The following CDHR3 variants were observed in gnomAD, a reference collection of about 807,000 sequenced individuals.
CDHR3 encodes cadherin-related family member 3.
In CDHR3, 79 loss-of-function variants were observed where a neutral mutation model predicts 86.6. That is an observed-to-expected ratio of 0.91 (90% CI 0.76 to 1.10). The LOEUF is 1.10. CDHR3 is among the 50% of genes least tolerant of loss of function. The probability of loss-of-function intolerance (pLI) is 0.00; values close to 1 mark genes in which losing one functional copy is unlikely to be tolerated. For missense variants in CDHR3, 1,081 were observed against 1,077.6 expected, an observed-to-expected ratio of 1.00 and a Z score of -0.04; for synonymous variants, 421 against 402.4, an observed-to-expected ratio of 1.05 and a Z score of -0.55.
intron 4 of CDHR3, among the ~76,000 whole-genome samples, chr7:105,985,602 T>A (rs16872037): frequency 0.016 from 2,373 of 152,236 alleles, 61 homozygotes; most frequent in African/African-American, 0.055. Context: ...ATAAAATTAT[T>A]GGATACAACT....
intron 9 of CDHR3, among the ~76,000 whole-genome samples, chr7:106,014,354 CT>C (rs1255331952): frequency 4.6e-5 from 7 of 152,222 alleles, no homozygotes; most frequent in Admixed American, 4.6e-4. Flanking sequence ...ATGTTTTTTC[CT>C]TCTATACATA....
chr7:106,023,438 AGAAG>A (rs1836878865), intron 14 of CDHR3, among the ~76,000 whole-genome samples: 1 of 152,198 alleles, frequency 6.6e-6, no homozygotes, highest in Non-Finnish European at 1.5e-5. Context: ...ATTGGCCTGG[AGAAG>A]GAAGGGAGAG....
chr7:105,980,225 T>C (rs1227604675), intron 2 of CDHR3, among the ~76,000 whole-genome samples: 1 of 152,250 alleles, frequency 6.6e-6, no homozygotes, highest in Non-Finnish European at 1.5e-5. Flanking sequence ...TGAGTCAAGA[T>C]ATAACTTAAC....
At chr7:106,000,518 C>T (rs1832978603) in intron 6 of CDHR3, among the ~76,000 whole-genome samples, 1 of 152,162 alleles carries the variant, frequency 6.6e-6, no homozygotes, top group Admixed American at 6.5e-5. Context: ...AAAGAAGATC[C>T]CACATGGGAA....
At chr7:105,999,911 T>C (rs996808740) in intron 6 of CDHR3, among the ~76,000 whole-genome samples, 1 of 152,200 alleles carries the variant, frequency 6.6e-6, no homozygotes, top group Admixed American at 6.5e-5. Context: ...GGCATCTTAG[T>C]GGCCTCTTTT....
chr7:105,990,476 A>C (rs1042005370), intron 4 of CDHR3, among the ~76,000 whole-genome samples: 3 of 152,214 alleles, frequency 2.0e-5, no homozygotes, highest in Non-Finnish European at 2.9e-5. Context: ...TGAGGCTTTT[A>C]CAAAATATTC....
chr7:106,020,995 A>T (rs937551731), intron 13 of CDHR3, among the ~76,000 whole-genome samples: 1 of 152,180 alleles, frequency 6.6e-6, no homozygotes, highest in Non-Finnish European at 1.5e-5. Flanking sequence ...GAAAAAATGC[A>T]GTCCAACTTT....
In CDHR3 at chr7:106,024,532, C is replaced by T. The variant is rs926905608; in HGVS notation, c.2228C>T (p.Pro743Leu). 1 of 1,614,032 alleles carries T rather than the reference C, an allele frequency of 6.2e-7. No individual in the cohort carries two copies. The highest frequency in any genetic ancestry group is 8.5e-7 in the Non-Finnish European group (1 of 1,179,888). The change falls in exon 15 of 19, where the codon CCC becomes CTC. Residue 743 changes from proline to leucine, a missense_variant. By Grantham distance (98) the Pro-to-Leu change is moderately conservative. Transcript: ENST00000317716. ...LLAKAIHRHCPCKTGKNKEPL... is the reference protein window; with the variant it reads ...LLAKAIHRHCLCKTGKNKEPL... Reference sequence around the variant, plus strand: ...GCCAAAGCCATCCACAGACACTGCCCCTGCAAGACTGGGAAGAACAAGGAA... The same window carrying T: ...GCCAAAGCCATCCACAGACACTGCCTCTGCAAGACTGGGAAGAACAAGGAA...
intron 3 of CDHR3, among the ~76,000 whole-genome samples, chr7:105,982,144 T>A (rs914874764): frequency 1.3e-5 from 2 of 151,992 alleles, no homozygotes; most frequent in Non-Finnish European, 2.9e-5. Context: ...CTACAAGAAA[T>A]TCCCGTCTCA....
intron 17 of CDHR3, among the ~76,000 whole-genome samples, chr7:106,029,036 G>A (rs567313225): frequency 3.3e-5 from 5 of 149,376 alleles, no homozygotes; most frequent in African/African-American, 9.9e-5. Context: ...CTGGAGTGGA[G>A]TAGCACAATC....
At chr7:106,006,559 G>C (rs1443828948) in intron 8 of CDHR3, among the ~76,000 whole-genome samples, 1 of 152,196 alleles carries the variant, frequency 6.6e-6, no homozygotes, top group African/African-American at 2.4e-5. Context: ...CAGGCCCCAT[G>C]CAAGTCTGAA....
chr7:106,013,796 G>A (rs1424858420), intron 9 of CDHR3, among the ~76,000 whole-genome samples: 1 of 151,986 alleles, frequency 6.6e-6, no homozygotes, highest in Non-Finnish European at 1.5e-5. Flanking sequence ...ATTTTTTTCT[G>A]TTTAGGAAAT....
chr7:106,007,898 G>A (rs770420135), intron 8 of CDHR3, among the ~76,000 whole-genome samples: 2 of 152,258 alleles, frequency 1.3e-5, no homozygotes, highest in South Asian at 2.1e-4. Flanking sequence ...AGACATACCC[G>A]AGACTGGGCA....
intron 1 of CDHR3, among the ~76,000 whole-genome samples, chr7:105,972,193 C>T (rs930619447): frequency 9.2e-5 from 14 of 152,182 alleles, no homozygotes; most frequent in Non-Finnish European, 4.4e-5. Flanking sequence ...ACAATGGTGA[C>T]AGCAATACCT....
chr7:106,027,625 G>A (rs1200130092), intron 16 of CDHR3: 6 of 452,958 alleles, frequency 1.3e-5, no homozygotes, highest in South Asian at 9.4e-5. Context: ...AGAGTGTGGG[G>A]GAGACAGGAC....
At position 105,981,044 on chromosome 7, in the gene CDHR3, A is replaced by T. The variant is rs774101487; in HGVS notation, c.326A>T (p.Asp109Val). 1.9e-6 allele frequency: 3 copies of T among 1,613,028 alleles called. No homozygotes were observed. The Admixed American group carries it at 5.0e-5, about 27-fold the overall frequency. ...NIFDLQIYVKDEVGVTDLQVL... is the reference protein window; with the variant it reads ...NIFDLQIYVKVEVGVTDLQVL... ...TTTGATTTGCAGATTTATGTGAAGGATGAGGTTGGTGTCACAGACCTGCAA... is the reference window on the plus strand; with the variant it reads ...TTTGATTTGCAGATTTATGTGAAGGTTGAGGTTGGTGTCACAGACCTGCAA... Residue 109 changes from aspartate to valine, a missense_variant, in exon 3 of 19, where the codon GAT becomes GTT. Transcript: ENST00000317716.
At chr7:105,977,568 C>A (rs1237568537) in intron 2 of CDHR3, among the ~76,000 whole-genome samples, 1 of 152,238 alleles carries the variant, frequency 6.6e-6, no homozygotes, top group Non-Finnish European at 1.5e-5. Flanking sequence ...TTTCACAAGT[C>A]ATGAAGCTGT....
chr7:105,994,832 G>A lies in CDHR3; in HGVS notation c.595G>A (p.Ala199Thr). The A allele has an allele frequency of 6.2e-7, 1 of 1,608,810 alleles. No individual in the cohort carries two copies. Among genetic ancestry groups the A allele is most frequent in the Non-Finnish European group, 8.5e-7 (1 of 1,177,246 alleles). The change falls in exon 5 of 19, where the codon GCA becomes ACA. Residue 199 changes from alanine to threonine, a missense_variant. Physicochemically the swap from Ala to Thr is moderately conservative, Grantham distance 58 (BLOSUM62 0). Transcript: ENST00000317716. Reference protein sequence around the residue: ...LFSTTELDFEAGHRSFHLIVE... With the variant: ...LFSTTELDFETGHRSFHLIVE... Reference sequence around the variant, plus strand: ...CTCCACAACAGAATTGGACTTTGAAGCAGGACACAGAAGGTAGTCTTGCTA... The same window carrying A: ...CTCCACAACAGAATTGGACTTTGAAACAGGACACAGAAGGTAGTCTTGCTA...
At chr7:106,027,622 G>A (rs1332293941) in intron 16 of CDHR3, 1 of 452,628 alleles carries the variant, frequency 2.2e-6, no homozygotes, top group Admixed American at 2.4e-5. Flanking sequence ...TCCAGAGTGT[G>A]GGGGAGACAG....
Sources: gnomAD v4.1 joint callset for allele counts (sites outside exome capture counted in the v4.1 genomes callset) on GRCh38, gnomAD v4.1.1 for gene constraint, MANE v1.5 for transcripts, NCBI Gene and HGNC (gene_info 2026-07-23, HGNC 2026-07-21) for gene names.